Variants in BCLAF3 observed in about 807,000 individuals in gnomAD.
BCLAF3 encodes transient octamer binding factor 1.
A neutral mutation model predicts 51.2 loss-of-function variants in BCLAF3; 24 were observed. The ratio of observed to expected loss-of-function variants is 0.47; its 90% confidence interval spans 0.34 to 0.66. BCLAF3 has a LOEUF of 0.66. BCLAF3 is among the 30% of genes least tolerant of loss of function. BCLAF3 has a pLI of 0.01. For synonymous variants in BCLAF3, 152 were observed against 176.6 expected (o/e 0.86, Z 1.10); for missense variants, 465 against 525.1 (o/e 0.89, Z 1.12).
chrX:19,922,971 T>C (rs902709477), intron 11 of BCLAF3, among the ~76,000 whole-genome samples: 5 of 111,278 alleles, frequency 4.5e-5, no homozygotes, highest in African/African-American at 1.3e-4. Context: ...GCAAAATTTC[T>C]CACTGTTAAA....
At chrX:19,960,805 C>T (rs1257711132) in intron 4 of BCLAF3, among the ~76,000 whole-genome samples, 1 of 111,745 alleles carries the variant, frequency 8.9e-6, no homozygotes, top group Admixed American at 9.5e-5. Flanking sequence ...ACCTCATCCC[C>T]TTTCAAACTA....
rs776129133 is a variant in BCLAF3, at chrX:19,917,667, C to T, written c.2107-333G>A. On this transcript the variant is annotated intron_variant, in intron 11 of 11. Coordinates refer to ENST00000379682, the MANE Select transcript of BCLAF3 (RefSeq NM_001367774.2). ...AATCAAGACTCTTAAACCTTTGGCTCTCAAGTACGGAGCCTGACACTACAC... is the reference window on the plus strand; with the variant it reads ...AATCAAGACTCTTAAACCTTTGGCTTTCAAGTACGGAGCCTGACACTACAC... 3.6e-5 allele frequency among the ~76,000 whole-genome samples: 4 copies of T among 112,005 alleles called. No homozygotes were observed. In the South Asian group the frequency reaches 1.5e-3, roughly 41 times the overall value.
chrX:19,966,516 T>C lies in BCLAF3; in HGVS notation c.175A>G (p.Ser59Gly). 1 of 1,211,888 alleles carries C rather than the reference T, an allele frequency of 8.3e-7. No individual in the cohort carries two copies. The highest frequency in any genetic ancestry group is 2.2e-5 in the Admixed American group (1 of 46,017). The change falls in exon 3 of 12, where the codon AGT becomes GGT. Residue 59 changes from serine (S) to glycine (G), a missense_variant. Transcript: ENST00000379682. ...CCACGAGAGGGAATCCTTGGTTTAC[T>C]CTGTCCATGTTTCTCACTGTCCATT... Reference protein sequence around the residue: ...WRMDSEKHGQSKPRIPSRGNI... With the variant: ...WRMDSEKHGQGKPRIPSRGNI...
intron 5 of BCLAF3, among the ~76,000 whole-genome samples, chrX:19,955,190 C>CA (rs1257132449): frequency 7.2e-5 from 8 of 111,741 alleles, no homozygotes; most frequent in Non-Finnish European, 1.3e-4. Flanking sequence ...AGTTGAAGCA[C>CA]AAGGTTATTG....
chrX:19,937,235 C>A, intron 9 of BCLAF3, 183 bp downstream of exon 9: 1 of 427,501 alleles, frequency 2.3e-6, no homozygotes, highest in Non-Finnish European at 4.1e-6. Flanking sequence ...CAATAAAATC[C>A]TACTAAATCA....
At chrX:19,953,347 T>C (rs752812907) in intron 6 of BCLAF3, among the ~76,000 whole-genome samples, 5 of 111,586 alleles carry the variant, frequency 4.5e-5, no homozygotes, top group Admixed American at 2.9e-4. Flanking sequence ...CAAGACAGGG[T>C]ACACCACCTG....
At chrX:19,977,038 C>G (rs1342646054) in intron 1 of BCLAF3, among the ~76,000 whole-genome samples, 1 of 111,416 alleles carries the variant, frequency 9.0e-6, no homozygotes, top group Non-Finnish European at 1.9e-5. Flanking sequence ...TTGGGGGCAC[C>G]ATGAACCATG....
intron 8 of BCLAF3, among the ~76,000 whole-genome samples, chrX:19,938,893 G>A (rs916770660): frequency 1.8e-5 from 2 of 112,299 alleles, no homozygotes; most frequent in Admixed American, 1.9e-4. Flanking sequence ...ATGTGCCCAT[G>A]TAGCATTTTT....
intron 11 of BCLAF3, chrX:19,923,183 T>C (rs2070231345): frequency 8.9e-6 from 1 of 112,601 alleles, no homozygotes; most frequent in South Asian, 3.6e-4. Flanking sequence ...TAGATAACTT[T>C]TCAAAACTTT....
rs748679368 is a variant in BCLAF3 at position 19,990,922 on chromosome X, C to CCCGCCG, written c.-55_-50dup. Among the ~76,000 whole-genome samples the CCCGCCG allele has an allele frequency of 0.014, 1,171 of 84,570 alleles. 37 individuals are homozygous for CCCGCCG. The highest frequency in any genetic ancestry group is 0.045 in the African/African-American group (991 of 22,223). The allele number at this position is 84,570 out of a possible 115,157, so 73.4% of individuals were successfully genotyped here. On this transcript the variant is annotated 5_prime_UTR_variant, in exon 1 of 12. Coordinates refer to ENST00000379682, the MANE Select transcript of BCLAF3 (RefSeq NM_001367774.2). Reference sequence around the variant, plus strand: ...GAGCCGCTCACCCGGCCGGGAAGCCCCCGCCGCCGCCGCCGCCGCCGCCGC... The same window carrying CCCGCCG: ...GAGCCGCTCACCCGGCCGGGAAGCCCCCGCCGCCGCCGCCGCCGCCGCCGCCGCCGC...
At position 19,990,922 on chromosome X, in the gene BCLAF3, C is replaced by CCCGCCGCCGCCGCCGCCGCCGCCGCCG. The variant is rs748679368; in HGVS notation, c.-76_-50dup. On this transcript the variant is annotated 5_prime_UTR_variant, in exon 1 of 12. Coordinates refer to ENST00000379682, the MANE Select transcript of BCLAF3 (RefSeq NM_001367774.2). ...GAGCCGCTCACCCGGCCGGGAAGCCCCCGCCGCCGCCGCCGCCGCCGCCGC... is the reference window on the plus strand; with the variant it reads ...GAGCCGCTCACCCGGCCGGGAAGCCCCCGCCGCCGCCGCCGCCGCCGCCGCCGCCGCCGCCGCCGCCGCCGCCGCCGC... 5.9e-5 allele frequency among the ~76,000 whole-genome samples: 5 copies of CCCGCCGCCGCCGCCGCCGCCGCCGCCG among 84,585 alleles called. No individual in the cohort carries two copies. Among genetic ancestry groups the CCCGCCGCCGCCGCCGCCGCCGCCGCCG allele is most frequent in the Non-Finnish European group, 9.1e-5 (4 of 43,902 alleles). The allele number at this position is 84,585 out of a possible 115,157, so 73.5% of individuals were successfully genotyped here.
At chrX:19,929,714 T>C (rs1603302481) in intron 11 of BCLAF3, 71 bp downstream of exon 11, 11 of 1,023,422 alleles carry the variant, frequency 1.1e-5, no homozygotes, top group Non-Finnish European at 1.4e-5. Flanking sequence ...AACCAATTTA[T>C]CTAATGAACA....
chrX:19,971,892 C>T (rs141566681), intron 1 of BCLAF3, among the ~76,000 whole-genome samples: 2,160 of 111,896 alleles, frequency 0.019, 67 homozygotes, highest in African/African-American at 0.067. Context: ...GTTTTTCCAC[C>T]CACAGATACA....
At chrX:19,969,691 T>C (rs1851140684) in intron 2 of BCLAF3, among the ~76,000 whole-genome samples, 1 of 111,841 alleles carries the variant, frequency 8.9e-6, no homozygotes, top group African/African-American at 3.2e-5. Context: ...CCAAAGAAGA[T>C]GGCATATTTG....
intron 1 of BCLAF3, among the ~76,000 whole-genome samples, chrX:19,979,709 CAAATA>C (rs2072548571): frequency 1.9e-5 from 2 of 104,911 alleles, no homozygotes; most frequent in Admixed American, 2.1e-4. Context: ...AGATGAAAAA[CAAATA>C]AAAAATGAAA....
intron 1 of BCLAF3, among the ~76,000 whole-genome samples, chrX:19,978,789 A>C (rs1343108197): frequency 9.2e-6 from 1 of 108,850 alleles, no homozygotes; most frequent in African/African-American, 3.4e-5. Flanking sequence ...TTTTTCAGAG[A>C]TGGGGTTTCA....
At chrX:19,946,162 C>G (rs1664830220) in intron 8 of BCLAF3, among the ~76,000 whole-genome samples, 1 of 111,491 alleles carries the variant, frequency 9.0e-6, no homozygotes, top group South Asian at 3.8e-4. Context: ...CACTGGCCTG[C>G]GCCCACTGTC....
chrX:19,971,457 T>C (rs1302344543), intron 1 of BCLAF3, among the ~76,000 whole-genome samples: 1 of 112,368 alleles, frequency 8.9e-6, no homozygotes, highest in Non-Finnish European at 1.9e-5. Context: ...TAATTGAACA[T>C]TATTAGACAT....
chrX:19,934,894 T>G (rs1178488452), intron 10 of BCLAF3, among the ~76,000 whole-genome samples: 3 of 111,892 alleles, frequency 2.7e-5, no homozygotes, highest in African/African-American at 9.7e-5. Flanking sequence ...GACAGAAATA[T>G]AATACCTTGG....
Sources: allele counts gnomAD v4.1 joint callset (sites outside exome capture counted in the v4.1 genomes callset), GRCh38; gene constraint gnomAD v4.1.1; transcripts MANE v1.5; gene names NCBI Gene and HGNC (gene_info 2026-07-23, HGNC 2026-07-21).